WDR70: variants seen among roughly 807,000 people sequenced by gnomAD.
The protein encoded by WDR70 is WD repeat domain 70.
Under a neutral mutation model 88.6 loss-of-function variants are expected in WDR70, and 53 were observed. The ratio of observed to expected loss-of-function variants is 0.60; its 90% CI spans 0.48 to 0.75. WDR70 has a LOEUF of 0.75. Ranked by LOEUF, WDR70 falls within the 30% of genes least tolerant of loss-of-function variation. WDR70 has a pLI of 0.00. For synonymous variants in WDR70, 280 were observed against 270.0 expected (o/e 1.04, Z -0.36); for missense variants, 610 against 823.2 (o/e 0.74, Z 3.17).
At chr5:37,418,380 C>T (rs937696204) in intron 5 of WDR70, among the ~76,000 whole-genome samples, 2 of 152,010 alleles carry the variant, frequency 1.3e-5, no homozygotes, top group African/African-American at 4.8e-5. Context: ...AGTGCAGTGG[C>T]GTGATCTCGG....
rs532492378 is a variant in WDR70, at chr5:37,750,506, C to A, written c.1878-1980C>A. Among the ~76,000 whole-genome samples the A allele has an allele frequency of 2.6e-5, 4 of 152,282 alleles. No homozygotes were observed. The South Asian group carries it at 6.2e-4, about 24-fold the overall frequency. On this transcript the variant is annotated intron_variant, in intron 17 of 17. Transcript: ENST00000265107. ...CTATGATTGTGCCACTGCACTCTAGCCTAGGTGACAGAGAAAGACCCTGTC... is the reference window on the plus strand; with the variant it reads ...CTATGATTGTGCCACTGCACTCTAGACTAGGTGACAGAGAAAGACCCTGTC...
At chr5:37,505,133 G>C (rs953302589) in intron 8 of WDR70, among the ~76,000 whole-genome samples, 1 of 152,074 alleles carries the variant, frequency 6.6e-6, no homozygotes, top group East Asian at 1.9e-4. Context: ...CCCACTGTAG[G>C]GTTCTAGCTT....
rs1256191325 is a variant in WDR70, at chr5:37,379,341, G to T, written c.-27G>T. On this transcript the variant is annotated 5_prime_UTR_variant, in exon 1 of 18. Coordinates refer to ENST00000265107, the MANE Select transcript of WDR70 (RefSeq NM_018034.4). Reference sequence around the variant, plus strand: ...CTGCAGTTGTTTGGGCTGTCCCTGTGGCTGGTTCTGGGGTGTGCGGCCAGC... The same window carrying T: ...CTGCAGTTGTTTGGGCTGTCCCTGTTGCTGGTTCTGGGGTGTGCGGCCAGC... The T allele has an allele frequency of 6.2e-7, 1 of 1,613,290 alleles. No individual in the cohort carries two copies. The highest frequency in any genetic ancestry group is 2.2e-5 in the East Asian group (1 of 44,886).
Position 37,605,175 on chromosome 5 carries a change from T to C in WDR70, c.1029T>C (p.Asp343=), listed in dbSNP as rs1744000498. The change falls in exon 10 of 18, where the codon GAT becomes GAC. Residue 343 remains aspartate, a synonymous_variant. Transcript: ENST00000265107. ...CCACTACGTGCACATATAGTAGAGA[T>C]GGAAACCTCATAGCAGCTGCCTGCC... is the stretch of plus-strand genomic sequence containing the variant. ...VIPTTCTYSR[D]GNLIAAACQN... 11 of 1,613,202 alleles carry C rather than the reference T, an allele frequency of 6.8e-6. No homozygotes were observed. Among genetic ancestry groups the C allele is most frequent in the Non-Finnish European group, 9.3e-6 (11 of 1,179,474 alleles).
chr5:37,498,430 C>T (rs940046338), intron 8 of WDR70, among the ~76,000 whole-genome samples: 3 of 152,110 alleles, frequency 2.0e-5, no homozygotes, highest in Non-Finnish European at 4.4e-5. Flanking sequence ...CAGTGTTGAG[C>T]CCTCTTTTGT....
At position 37,621,988 on chromosome 5, in the gene WDR70, A is replaced by C. The variant is rs112711193; in HGVS notation, c.1092+16750A>C. On this transcript the variant is annotated intron_variant, in intron 10 of 17. Coordinates refer to ENST00000265107, the MANE Select transcript of WDR70 (RefSeq NM_018034.4). ...CAGCACCATTTATTAAATAGGGAAT[A>C]GTTTCCCCATTTCTTGTTTTTGTCA... Among the ~76,000 whole-genome samples, 76 of 152,232 alleles carry C rather than the reference A, an allele frequency of 5.0e-4. No homozygotes were observed. The East Asian group carries it at 9.7e-3, about 19-fold the overall frequency.
chr5:37,592,204 G>A (rs1026900913), intron 9 of WDR70, among the ~76,000 whole-genome samples: 13 of 152,196 alleles, frequency 8.5e-5, no homozygotes, highest in African/African-American at 1.4e-4. Flanking sequence ...TTTATGTTTC[G>A]TAATACATTA....
intron 9 of WDR70, among the ~76,000 whole-genome samples, chr5:37,571,131 G>T (rs1425817622): frequency 6.6e-6 from 1 of 152,120 alleles, no homozygotes; most frequent in Non-Finnish European, 1.5e-5. Flanking sequence ...GCTTGATTTT[G>T]AATATGGCCT....
chr5:37,511,441 T>C (rs533922574), intron 8 of WDR70, among the ~76,000 whole-genome samples: 1 of 146,138 alleles, frequency 6.8e-6, no homozygotes, highest in South Asian at 2.2e-4. Flanking sequence ...TAGTACTTTC[T>C]TTTTTTTTTT....
chr5:37,470,256 G>A (rs1180372777), intron 7 of WDR70, among the ~76,000 whole-genome samples: 1 of 152,086 alleles, frequency 6.6e-6, no homozygotes, highest in Non-Finnish European at 1.5e-5. Flanking sequence ...AAATTACACT[G>A]TAAAGTGTGG....
chr5:37,673,587 C>CCA (rs1554010674), intron 10 of WDR70, among the ~76,000 whole-genome samples: 1 of 100,594 alleles, frequency 9.9e-6, no homozygotes, highest in Non-Finnish European at 1.9e-5. Flanking sequence ...TTTCTTACCC[C>CCA]CCCCCCACCC....
intron 7 of WDR70, among the ~76,000 whole-genome samples, chr5:37,466,042 C>T (rs1739141054): frequency 6.6e-6 from 1 of 151,970 alleles, no homozygotes. Context: ...TCGTACTTTA[C>T]CATGCCATCT....
At chr5:37,602,675 G>T (rs752912349) in intron 9 of WDR70, among the ~76,000 whole-genome samples, 5 of 151,154 alleles carry the variant, frequency 3.3e-5, no homozygotes, top group African/African-American at 1.2e-4. Flanking sequence ...ATTGATGAAA[G>T]AAATTGAAAA....
intron 6 of WDR70, among the ~76,000 whole-genome samples, chr5:37,438,908 GT>G (rs5867350): frequency 6.8e-6 from 1 of 146,208 alleles, no homozygotes; most frequent in Admixed American, 6.8e-5. Flanking sequence ...GTCCTCATTC[GT>G]TTTTTTTTTT....
rs888235179 is a variant in WDR70 at position 37,686,024 on chromosome 5, A to G, written c.1093-11631A>G. Among the ~76,000 whole-genome samples the G allele has an allele frequency of 3.3e-5, 5 of 152,186 alleles. 1 individual carries two copies. The highest frequency in any genetic ancestry group is 2.0e-4 in the Admixed American group (3 of 15,278). ...GGTGGCAGCTGTTCCACCCGGCTGC[A>G]TGTAGTCAGCTGTCTTGCCCAAATC... On this transcript the variant is annotated intron_variant, in intron 10 of 17. Coordinates refer to ENST00000265107, the MANE Select transcript of WDR70 (RefSeq NM_018034.4).
At chr5:37,705,405 A>C (rs915035409) in intron 13 of WDR70, among the ~76,000 whole-genome samples, 4 of 152,186 alleles carry the variant, frequency 2.6e-5, no homozygotes, top group Non-Finnish European at 5.9e-5. Context: ...TGGAAGACAA[A>C]TTATGAGATC....
intron 8 of WDR70, among the ~76,000 whole-genome samples, chr5:37,514,397 CT>C (rs1554145437): frequency 1.7e-5 from 2 of 114,686 alleles, no homozygotes; most frequent in African/African-American, 5.9e-5. Flanking sequence ...TTTCCATTAA[CT>C]TTTAAGTTCT....
intron 12 of WDR70, among the ~76,000 whole-genome samples, chr5:37,701,804 A>G (rs1747172745): frequency 7.1e-6 from 1 of 140,282 alleles, no homozygotes; most frequent in African/African-American, 2.5e-5. Flanking sequence ...AAAAAAAAAA[A>G]AATTGAGCTC....
intron 9 of WDR70, among the ~76,000 whole-genome samples, chr5:37,571,973 A>G (rs899960127): frequency 2.6e-5 from 4 of 152,134 alleles, no homozygotes; most frequent in Non-Finnish European, 4.4e-5. Flanking sequence ...CTTAGATAAC[A>G]GGAGCAAGGA....
Sources: gnomAD v4.1 joint callset for allele counts (sites outside exome capture counted in the v4.1 genomes callset) on GRCh38, gnomAD v4.1.1 for gene constraint, MANE v1.5 for transcripts, NCBI Gene and HGNC (gene_info 2026-07-23, HGNC 2026-07-21) for gene names.